The following NFATC2 variants were observed in gnomAD, a reference collection of about 807,000 sequenced individuals.
NFATC2 encodes the protein nuclear factor of activated T cells 2, also known as nuclear factor of activated T-cells, cytoplasmic 2.
A neutral mutation model predicts 87.3 loss-of-function variants in NFATC2; 22 were observed. The ratio of observed to expected loss-of-function variants is 0.25; its 90% confidence interval spans 0.18 to 0.36. The LOEUF is 0.36. NFATC2 is among the 10% of genes least tolerant of loss of function. The pLI is 1.00. For synonymous variants in NFATC2, 565 were observed against 542.2 expected (o/e 1.04, Z -0.58); for missense variants, 1,149 against 1,259.1 (o/e 0.91, Z 1.32).
chr20:51,550,177 C>T (rs149761436), intron 1 of NFATC2, among the ~76,000 whole-genome samples: 6 of 152,252 alleles, frequency 3.9e-5, no homozygotes, highest in Admixed American at 3.9e-4. Context: ...GATCCTGTCT[C>T]TATGAAAAAT....
chr20:51,562,819 G>A (rs777702500), upstream of NFATC2: 7 of 552,188 alleles, frequency 1.3e-5, no homozygotes, highest in East Asian at 6.0e-5. The surrounding 1 kb of genome is among the most constrained non-coding windows in gnomAD (Gnocchi z 5.8). Context: ...TCCGCGATCC[G>A]GCTTACTCCA....
rs1032780614 is a variant in NFATC2, at chr20:51,421,335, G to C, written c.2722+10732C>G. Among the ~76,000 whole-genome samples, 3 of 152,278 alleles carry C rather than the reference G, an allele frequency of 2.0e-5. No individual in the cohort carries two copies. The South Asian group carries it at 6.2e-4, about 32-fold the overall frequency. ...CACAAGGAGGGGAAGGAAGGTAGAGGGAGGGAACACTTTCGAAGGCCCCGG... is the reference window on the plus strand; with the variant it reads ...CACAAGGAGGGGAAGGAAGGTAGAGCGAGGGAACACTTTCGAAGGCCCCGG... On this transcript the variant is annotated intron_variant, in intron 9 of 10. Coordinates refer to ENST00000371564, the MANE Select transcript of NFATC2 (RefSeq NM_012340.5).
Position 51,389,890 on chromosome 20 carries a change from C to CTAAG in NFATC2, c.*1602_*1605dup, listed in dbSNP as rs1464710667. The CTAAG allele has an allele frequency of 1.3e-5, 2 of 152,170 alleles. No homozygotes were observed. The highest frequency in any genetic ancestry group is 4.8e-5 in the African/African-American group (2 of 41,438). The allele number at this position is 152,170 out of a possible 1,614,324, so 9.4% of individuals were successfully genotyped here. On this transcript the variant is annotated 3_prime_UTR_variant, in exon 11 of 11. Transcript: ENST00000371564. ...GTACAGACTGGACTGAGAAAACACT[C>CTAAG]TAAGTACAGTCTGAGTGCTAAGAAT...
chr20:51,392,973 G>C (rs1986542433), intron 10 of NFATC2, among the ~76,000 whole-genome samples: 1 of 152,172 alleles, frequency 6.6e-6, no homozygotes, highest in Non-Finnish European at 1.5e-5. Flanking sequence ...CTGTAAAGTG[G>C]GAATCATAGC....
In NFATC2 at chr20:51,407,764, A is replaced by G. The variant is rs192889669; in HGVS notation, c.2723-9034T>C. On this transcript the variant is annotated intron_variant, in intron 9 of 10. Coordinates refer to ENST00000371564, the MANE Select transcript of NFATC2 (RefSeq NM_012340.5). Reference sequence around the variant, plus strand: ...ATTCAACTGCTGAGCAGACGGGGTCAGGACGAGAACCGTGGAGTCTGGAAC... The same window carrying G: ...ATTCAACTGCTGAGCAGACGGGGTCGGGACGAGAACCGTGGAGTCTGGAAC... 2.3e-3 allele frequency among the ~76,000 whole-genome samples: 351 copies of G among 152,382 alleles called. 2 individuals are homozygous for G. The highest frequency in any genetic ancestry group is 4.2e-3 in the Non-Finnish European group (285 of 68,034).
At chr20:51,435,123 G>A in intron 8 of NFATC2, 65 bp downstream of exon 8, 7 of 1,584,836 alleles carry the variant, frequency 4.4e-6, no homozygotes, top group Non-Finnish European at 6.0e-6. Context: ...CAGACTTCAG[G>A]AGTCCTGAGC....
At chr20:51,508,381 G>T (rs2076218912) in intron 3 of NFATC2, among the ~76,000 whole-genome samples, 1 of 152,160 alleles carries the variant, frequency 6.6e-6, no homozygotes, top group Admixed American at 6.5e-5. Context: ...GACCACTGCG[G>T]GCATCCCTCA....
chr20:51,523,517 C>A lies in NFATC2; in HGVS notation c.724G>T (p.Ala242Ser), dbSNP rs1462247304. The change falls in exon 2 of 11, where the codon GCC becomes TCC. Residue 242 changes from alanine (A) to serine (S), a missense_variant. Ala to Ser is a moderately conservative substitution (Grantham distance 99). This residue lies in a region of NFATC2 where 563 missense variants were observed against 585.2 expected (regional missense o/e 0.96). Coordinates refer to ENST00000371564, the MANE Select transcript of NFATC2 (RefSeq NM_012340.5). The surrounding 1 kb of genome is among the most constrained non-coding windows in gnomAD (Gnocchi z 6.9). ...GCACCAGGCGATGAGGAGCGGGAGG[C>A]CGGACGGGGCACGGGCGAGTGGCGG... The part of the protein sequence containing the change: ...LGRHSPVPRP[A>S]SRSSSPGAKR... 1.2e-6 allele frequency: 2 copies of A among 1,613,220 alleles called. No homozygotes were observed. The highest frequency in any genetic ancestry group is 1.7e-6 in the Non-Finnish European group (2 of 1,179,632).
intron 9 of NFATC2, among the ~76,000 whole-genome samples, chr20:51,419,348 A>T (rs1442905423): frequency 2.0e-5 from 3 of 152,058 alleles, no homozygotes; most frequent in Non-Finnish European, 4.4e-5. Flanking sequence ...ACATAACAAG[A>T]CTCTGGCCAA....
At chr20:51,468,782 G>C (rs1009701616) in intron 5 of NFATC2, among the ~76,000 whole-genome samples, 4 of 152,226 alleles carry the variant, frequency 2.6e-5, no homozygotes, top group African/African-American at 7.2e-5. Context: ...GAGCACAAAG[G>C]GGGGCACCCC....
At chr20:51,401,409 C>CTTAA (rs2146241129) in intron 9 of NFATC2, among the ~76,000 whole-genome samples, 1 of 152,154 alleles carries the variant, frequency 6.6e-6, no homozygotes, top group Non-Finnish European at 1.5e-5. Context: ...ATATGGTCCC[C>CTTAA]TAAAGAAGAT....
chr20:51,421,089 C>A lies in NFATC2; in HGVS notation c.2722+10978G>T, dbSNP rs78752745. 9.4e-3 allele frequency among the ~76,000 whole-genome samples: 1,303 copies of A among 139,264 alleles called. 12 individuals are homozygous for A. Among genetic ancestry groups the A allele is most frequent in the African/African-American group, 0.017 (641 of 36,956 alleles). The allele number at this position is 139,264 out of a possible 152,430, so 91.4% of individuals were successfully genotyped here. ...CCTATGTCTTAAAAAAAAAAAAAAA[C>A]AAAAAAAACTAATAACAACAAACCC... On this transcript the variant is annotated intron_variant, in intron 9 of 10. Coordinates refer to ENST00000371564, the MANE Select transcript of NFATC2 (RefSeq NM_012340.5).
chr20:51,516,199 A>G (rs1420149237), intron 3 of NFATC2, among the ~76,000 whole-genome samples: 1 of 152,202 alleles, frequency 6.6e-6, no homozygotes, highest in Non-Finnish European at 1.5e-5. Context: ...ATTAAGAAAA[A>G]AACAAAAGGA....
intron 3 of NFATC2, among the ~76,000 whole-genome samples, chr20:51,498,876 A>C (rs1044292793): frequency 8.5e-5 from 13 of 152,170 alleles, no homozygotes; most frequent in African/African-American, 3.1e-4. Context: ...TGCTTTGAGG[A>C]GGTGACAATT....
intron 9 of NFATC2, among the ~76,000 whole-genome samples, chr20:51,421,350 G>A (rs764292216): frequency 1.8e-4 from 27 of 152,176 alleles, no homozygotes; most frequent in Middle Eastern, 3.2e-3. Context: ...GAACACTTTC[G>A]AAGGCCCCGG....
intron 9 of NFATC2, among the ~76,000 whole-genome samples, chr20:51,414,471 C>A (rs1312653026): frequency 6.6e-6 from 1 of 151,390 alleles, no homozygotes; most frequent in Non-Finnish European, 1.5e-5. Flanking sequence ...GGCGGATCAC[C>A]TGAGGTCAGG....
intron 3 of NFATC2, among the ~76,000 whole-genome samples, chr20:51,500,520 C>A (rs1370468390): frequency 6.6e-6 from 1 of 151,560 alleles, no homozygotes; most frequent in African/African-American, 2.4e-5. Flanking sequence ...CTTACAGAGC[C>A]CTACCCACTC....
chr20:51,536,258 TAG>T (rs2076718191), intron 1 of NFATC2, among the ~76,000 whole-genome samples: 1 of 152,148 alleles, frequency 6.6e-6, no homozygotes, highest in Non-Finnish European at 1.5e-5. Flanking sequence ...CAGACAAAGC[TAG>T]AGACAGCAGC....
intron 3 of NFATC2, among the ~76,000 whole-genome samples, chr20:51,487,252 C>G (rs73271863): frequency 6.6e-6 from 1 of 152,106 alleles, no homozygotes; most frequent in African/African-American, 2.4e-5. Context: ...TGGCCCTGAC[C>G]GTGCCCAGCA....
Sources: allele counts gnomAD v4.1 joint callset (sites outside exome capture counted in the v4.1 genomes callset), GRCh38; gene constraint gnomAD v4.1.1; regional missense constraint gnomAD v4.1.1; non-coding constraint Gnocchi (gnomAD v3.1); transcripts MANE v1.5; gene names NCBI Gene and HGNC (gene_info 2026-07-23, HGNC 2026-07-21).